Variants in TRHDE observed in about 807,000 individuals in gnomAD.
TRHDE encodes thyrotropin-releasing hormone-degrading ectoenzyme.
Under a neutral mutation model 125.7 loss-of-function variants are expected in TRHDE, and 72 were observed. The ratio of observed to expected loss-of-function variants is 0.57; its 90% CI spans 0.47 to 0.70. The LOEUF is 0.70. Ranked by LOEUF, TRHDE falls within the 30% of genes least tolerant of loss-of-function variation. TRHDE has a pLI of 0.00. For synonymous variants in TRHDE, 509 were observed against 509.1 expected (o/e 1.00, Z 0.00); for missense variants, 1,110 against 1,327.1 (o/e 0.84, Z 2.54).
intron 15 of TRHDE, among the ~76,000 whole-genome samples, chr12:72,624,691 C>G (rs984932711): frequency 3.3e-5 from 5 of 151,856 alleles, no homozygotes; most frequent in African/African-American, 1.2e-4. Flanking sequence ...CATTCTAATA[C>G]CTGTTAAAAT....
rs151163848 is a variant in TRHDE, at chr12:72,422,522, A to G, written c.1315+44401A>G. Among the ~76,000 whole-genome samples, 510 of 152,346 alleles carry G rather than the reference A, an allele frequency of 3.3e-3. 2 individuals are homozygous for G. The highest frequency in any genetic ancestry group is 0.011 in the African/African-American group (473 of 41,594). On this transcript the variant is annotated intron_variant, in intron 3 of 18. Transcript: ENST00000261180. ...TAGGAATAGTAATTTTTATGGCTTC[A>G]TAACTGAGTAATACAAAATGGTTTC...
intron 3 of TRHDE, among the ~76,000 whole-genome samples, chr12:72,466,278 C>G (rs770400510): frequency 2.1e-4 from 32 of 152,148 alleles, no homozygotes; most frequent in Non-Finnish European, 4.4e-4. Flanking sequence ...GAGTCTTCTT[C>G]CTGTGCTATT....
At chr12:72,152,014 C>A (rs1393896902) in intron 2 of TRHDE, among the ~76,000 whole-genome samples, 1 of 151,694 alleles carries the variant, frequency 6.6e-6, no homozygotes, top group African/African-American at 2.4e-5. Flanking sequence ...AATATTGATT[C>A]TTCCTACCCA....
intron 2 of TRHDE, among the ~76,000 whole-genome samples, chr12:72,240,306 TA>T (rs1355249993): frequency 8.2e-4 from 3 of 3,640 alleles, no homozygotes; most frequent in Non-Finnish European, 3.0e-3. Flanking sequence ...TCTCACATTT[TA>T]TATATATATA....
chr12:72,434,751 A>G (rs1874662887), intron 3 of TRHDE, among the ~76,000 whole-genome samples: 1 of 152,188 alleles, frequency 6.6e-6, no homozygotes, highest in Non-Finnish European at 1.5e-5. Flanking sequence ...GCTCATGTAA[A>G]TAAATAATAA....
At chr12:72,503,794 AG>A in intron 6 of TRHDE, among the ~76,000 whole-genome samples, 1 of 152,274 alleles carries the variant, frequency 6.6e-6, no homozygotes, top group Middle Eastern at 3.4e-3. Flanking sequence ...TCAGAGAAGG[AG>A]TAAATTGACT....
At chr12:72,456,189 A>G (rs1441797587) in intron 3 of TRHDE, among the ~76,000 whole-genome samples, 1 of 149,852 alleles carries the variant, frequency 6.7e-6, no homozygotes, top group Non-Finnish European at 1.5e-5. Flanking sequence ...AGACTCAGAG[A>G]GTTGGACATA....
intron 2 of TRHDE, among the ~76,000 whole-genome samples, chr12:72,351,295 G>A (rs1054122174): frequency 7.9e-5 from 12 of 151,896 alleles, no homozygotes; most frequent in African/African-American, 2.9e-4. Context: ...AATTAGTTCC[G>A]CCATGTTACG....
Position 72,387,014 on chromosome 12 carries a change from G to T in TRHDE, c.1315+8893G>T, listed in dbSNP as rs568443879. ...CTTCTCTTTGCTATTTACATTGGTA[G>T]TGGCCTCCCTTGGTTACCTCATTCA... On this transcript the variant is annotated intron_variant, in intron 3 of 18. Coordinates refer to ENST00000261180, the MANE Select transcript of TRHDE (RefSeq NM_013381.3). 3.5e-4 allele frequency among the ~76,000 whole-genome samples: 53 copies of T among 152,276 alleles called. No individual in the cohort carries two copies. In the South Asian group the frequency reaches 9.7e-3, roughly 28 times the overall value.
intron 7 of TRHDE, among the ~76,000 whole-genome samples, chr12:72,556,103 C>T (rs1198121277): frequency 6.6e-6 from 1 of 152,178 alleles, no homozygotes; most frequent in African/African-American, 2.4e-5. Context: ...CACGCCATAT[C>T]TACTGTTCAT....
intron 18 of TRHDE, among the ~76,000 whole-genome samples, chr12:72,659,531 TC>T (rs1321950442): frequency 2.0e-5 from 3 of 152,214 alleles, no homozygotes; most frequent in Non-Finnish European, 2.9e-5. Flanking sequence ...AATAGTTAAT[TC>T]TATTCATTTA....
At chr12:72,549,426 T>C (rs532752549) in intron 7 of TRHDE, among the ~76,000 whole-genome samples, 1 of 151,960 alleles carries the variant, frequency 6.6e-6, no homozygotes, top group Admixed American at 6.6e-5. Flanking sequence ...AGAGATAATA[T>C]TGTGTTTTTA....
intron 5 of TRHDE, among the ~76,000 whole-genome samples, chr12:72,480,036 C>T (rs1877092505): frequency 6.7e-6 from 1 of 149,770 alleles, no homozygotes; most frequent in Admixed American, 6.7e-5. Context: ...TGTATATGTG[C>T]CACATTTTCT....
chr12:72,250,572 G>T (rs1432780654), intron 2 of TRHDE, among the ~76,000 whole-genome samples: 1 of 151,882 alleles, frequency 6.6e-6, no homozygotes, highest in African/African-American at 2.4e-5. Flanking sequence ...ATAGTCAAAA[G>T]GCAACTTAAA....
At chr12:72,336,724 T>C (rs1439184307) in intron 2 of TRHDE, among the ~76,000 whole-genome samples, 1 of 152,116 alleles carries the variant, frequency 6.6e-6, no homozygotes, top group African/African-American at 2.4e-5. Context: ...GGCCAGGAGA[T>C]GTGCAAGAGC....
At chr12:72,138,542 G>A (rs114093531) in intron 2 of TRHDE, among the ~76,000 whole-genome samples, 3 of 152,212 alleles carry the variant, frequency 2.0e-5, no homozygotes, top group African/African-American at 7.2e-5. Flanking sequence ...TGCACCTGAA[G>A]TAGGTATTTG....
intron 6 of TRHDE, among the ~76,000 whole-genome samples, chr12:72,514,605 G>A (rs907133002): frequency 6.6e-6 from 1 of 151,702 alleles, no homozygotes; most frequent in African/African-American, 2.4e-5. Flanking sequence ...ATGGATTCAA[G>A]CCTTAACTAC....
chr12:72,530,173 C>T (rs1868469585), intron 6 of TRHDE, among the ~76,000 whole-genome samples: 1 of 151,982 alleles, frequency 6.6e-6, no homozygotes. Context: ...CTTACTCCAC[C>T]CAGACTATTT....
intron 4 of TRHDE, among the ~76,000 whole-genome samples, chr12:72,470,917 C>T (rs1876615601): frequency 1.6e-5 from 2 of 126,896 alleles, no homozygotes; most frequent in South Asian, 5.4e-4. Flanking sequence ...CACTCTGTCA[C>T]CCAGGCTGGA....
Sources: allele counts gnomAD v4.1 joint callset (sites outside exome capture counted in the v4.1 genomes callset), GRCh38; gene constraint gnomAD v4.1.1; transcripts MANE v1.5; gene names NCBI Gene and HGNC (gene_info 2026-07-23, HGNC 2026-07-21).